Variants in GABBR2 observed in about 807,000 individuals in gnomAD.
GABBR2 encodes the protein gamma-aminobutyric acid type B receptor subunit 2.
A neutral mutation model predicts 105.6 loss-of-function variants in GABBR2; 23 were observed. The ratio of observed to expected loss-of-function variants is 0.22; its 90% CI spans 0.16 to 0.31. GABBR2 has a LOEUF of 0.31. Ranked by LOEUF, GABBR2 falls within the 10% of genes least tolerant of loss-of-function variation. The probability of loss-of-function intolerance (pLI) is 1.00; values close to 1 mark genes in which losing one functional copy is unlikely to be tolerated. For synonymous variants in GABBR2, 478 were observed against 499.7 expected (o/e 0.96, Z 0.58); for missense variants, 734 against 1,245.5 (o/e 0.59, Z 6.18).
intron 1 of GABBR2, among the ~76,000 whole-genome samples, chr9:98,675,224 G>A (rs922749046): frequency 8.5e-5 from 13 of 152,172 alleles, no homozygotes; most frequent in Non-Finnish European, 1.3e-4. Context: ...CAGCAAGCAC[G>A]GCAGGATGGC....
At chr9:98,656,247 G>A (rs1334833004) in intron 1 of GABBR2, among the ~76,000 whole-genome samples, 1 of 152,156 alleles carries the variant, frequency 6.6e-6, no homozygotes, top group African/African-American at 2.4e-5. Context: ...ATATGGCGGA[G>A]AGGAGGAAGG....
chr9:98,438,933 T>G (rs951522599), intron 7 of GABBR2, among the ~76,000 whole-genome samples: 1 of 152,110 alleles, frequency 6.6e-6, no homozygotes, highest in Non-Finnish European at 1.5e-5. Flanking sequence ...CCCACTCTCT[T>G]CTGATTCATT....
intron 2 of GABBR2, among the ~76,000 whole-genome samples, chr9:98,572,767 C>A (rs1484150467): frequency 6.6e-6 from 1 of 152,178 alleles, no homozygotes; most frequent in East Asian, 1.9e-4. Context: ...GCTGCACAAG[C>A]CTGGGAGAAA....
At chr9:98,570,946 T>A (rs1336786361) in intron 2 of GABBR2, among the ~76,000 whole-genome samples, 1 of 152,236 alleles carries the variant, frequency 6.6e-6, no homozygotes, top group Non-Finnish European at 1.5e-5. Flanking sequence ...GGCAGGCACC[T>A]GGCTCTCCGT....
intron 1 of GABBR2, among the ~76,000 whole-genome samples, chr9:98,669,496 T>A (rs982008633): frequency 1.3e-5 from 2 of 152,200 alleles, no homozygotes; most frequent in African/African-American, 4.8e-5. Flanking sequence ...ACATTCTAAT[T>A]TATTATATAT....
intron 7 of GABBR2, among the ~76,000 whole-genome samples, chr9:98,451,469 T>C (rs1308829620): frequency 6.6e-6 from 1 of 152,200 alleles, no homozygotes; most frequent in East Asian, 1.9e-4. Context: ...ATGGCTCTGC[T>C]TGGGGATTTT....
At chr9:98,607,932 A>G in intron 1 of GABBR2, 1 of 1,415,118 alleles carries the variant, frequency 7.1e-7, no homozygotes, top group Non-Finnish European at 9.8e-7. Context: ...AAAAAGTTCA[A>G]AACTGAAGAA....
chr9:98,419,619 G>T (rs1832747372), intron 7 of GABBR2, among the ~76,000 whole-genome samples: 1 of 152,132 alleles, frequency 6.6e-6, no homozygotes, highest in Non-Finnish European at 1.5e-5. Flanking sequence ...GGCTGCGGAG[G>T]GCCCAGGTCA....
chr9:98,506,844 T>C (rs954308401), intron 3 of GABBR2, among the ~76,000 whole-genome samples: 1 of 152,134 alleles, frequency 6.6e-6, no homozygotes, highest in African/African-American at 2.4e-5. Flanking sequence ...AGATCCCACC[T>C]GGTAGAGCTA....
intron 15 of GABBR2, among the ~76,000 whole-genome samples, chr9:98,304,863 C>T (rs1830525811): frequency 1.0e-5 from 1 of 99,072 alleles, no homozygotes; most frequent in Admixed American, 1.1e-4. Context: ...CTCTGCTCCT[C>T]CAGGCTCAAG....
At chr9:98,403,762 T>G (rs547936383) in intron 8 of GABBR2, among the ~76,000 whole-genome samples, 1 of 148,492 alleles carries the variant, frequency 6.7e-6, no homozygotes, top group Non-Finnish European at 1.5e-5. Context: ...AAAAAATATA[T>G]ATATATATAC....
chr9:98,424,518 A>C (rs933742802), intron 7 of GABBR2, among the ~76,000 whole-genome samples: 41 of 152,256 alleles, frequency 2.7e-4, no homozygotes, highest in Non-Finnish European at 5.4e-4. Flanking sequence ...AGGGTATTCA[A>C]TTAGGAAAAG....
At chr9:98,689,251 T>A (rs1830656227) in intron 1 of GABBR2, among the ~76,000 whole-genome samples, 1 of 152,208 alleles carries the variant, frequency 6.6e-6, no homozygotes, top group African/African-American at 2.4e-5. Context: ...ATGTGGGCCC[T>A]GGAACCAGAC....
chr9:98,328,293 G>A (rs761974878), intron 13 of GABBR2, among the ~76,000 whole-genome samples: 1 of 152,100 alleles, frequency 6.6e-6, no homozygotes, highest in Non-Finnish European at 1.5e-5. Context: ...AACAAGGATT[G>A]AGGAAGAATG....
chr9:98,425,605 G>GGCTCCAAACCTGGGCAAACCAGGT (rs1203637694), intron 7 of GABBR2, among the ~76,000 whole-genome samples: 1 of 152,196 alleles, frequency 6.6e-6, no homozygotes, highest in Non-Finnish European at 1.5e-5. Context: ...GGTGTTCAAA[G>GGCTCCAAACCTGGGCAAACCAGGT]GCTCCAAACC....
chr9:98,573,694 G>T (rs576018390), intron 2 of GABBR2, among the ~76,000 whole-genome samples: 1 of 152,124 alleles, frequency 6.6e-6, no homozygotes, highest in African/African-American at 2.4e-5. Flanking sequence ...TTTAATAAGA[G>T]AATACTGTAC....
intron 1 of GABBR2, among the ~76,000 whole-genome samples, chr9:98,654,954 G>C (rs1026899811): frequency 6.6e-6 from 1 of 152,166 alleles, no homozygotes; most frequent in African/African-American, 2.4e-5. Context: ...AAAAGACCTG[G>C]AGGGTCTTTA....
intron 1 of GABBR2, among the ~76,000 whole-genome samples, chr9:98,654,510 G>A (rs908420848): frequency 6.6e-6 from 1 of 152,242 alleles, no homozygotes; most frequent in Admixed American, 6.5e-5. Context: ...TACTAGTGGT[G>A]AAATGGATAT....
At chr9:98,492,149 A>C (rs779372204) in intron 4 of GABBR2, among the ~76,000 whole-genome samples, 6 of 151,922 alleles carry the variant, frequency 3.9e-5, no homozygotes, top group Non-Finnish European at 5.9e-5. Flanking sequence ...AGTATGTCAA[A>C]ATTTTGGCAA....
Sources: gnomAD v4.1 joint callset for allele counts (sites outside exome capture counted in the v4.1 genomes callset) on GRCh38, gnomAD v4.1.1 for gene constraint, MANE v1.5 for transcripts, NCBI Gene and HGNC (gene_info 2026-07-23, HGNC 2026-07-21) for gene names.